The following FBXO10 variants were observed in gnomAD, a reference collection of about 807,000 sequenced individuals.
FBXO10 encodes F-box only protein 10.
In FBXO10, 39 loss-of-function variants were observed where a neutral mutation model predicts 80.7. The ratio of observed to expected loss-of-function variants is 0.48; its 90% CI spans 0.37 to 0.63. The LOEUF (loss-of-function observed/expected upper bound fraction) is 0.63. FBXO10 is among the 30% of genes least tolerant of loss of function. The probability of loss-of-function intolerance (pLI) is 0.00; values close to 1 mark genes in which losing one functional copy is unlikely to be tolerated. For missense variants in FBXO10, 1,025 were observed against 1,269.0 expected (o/e 0.81, Z 2.92); for synonymous variants, 449 against 489.6 (o/e 0.92, Z 1.09).
Position 37,541,775 on chromosome 9 carries a change from C to G in FBXO10, c.-6-1G>C. 1 of 1,573,346 alleles carries G rather than the reference C, an allele frequency of 6.4e-7. No individual in the cohort carries two copies. The highest frequency in any genetic ancestry group is 8.6e-7 in the Non-Finnish European group (1 of 1,159,040). On this transcript the variant is annotated splice_acceptor_variant, in intron 1 of 10. Coordinates refer to ENST00000432825, the MANE Select transcript of FBXO10 (RefSeq NM_012166.3). LOFTEE classifies it low-confidence loss of function (5UTR_SPLICE). ...GGAGGCCACCAGCCTCCATGGTCACCTAGGAGACAGACACAAAACAAAAGA... is the reference window on the plus strand; with the variant it reads ...GGAGGCCACCAGCCTCCATGGTCACGTAGGAGACAGACACAAAACAAAAGA...
At chr9:37,513,715 G>T (rs867324160) in intron 10 of FBXO10, among the ~76,000 whole-genome samples, 4 of 151,974 alleles carry the variant, frequency 2.6e-5, no homozygotes, top group Admixed American at 2.6e-4. Flanking sequence ...TCAGCCTCCC[G>T]AGTAGCTGGG....
intron 8 of FBXO10, among the ~76,000 whole-genome samples, chr9:37,521,228 G>A (rs996632813): frequency 1.8e-4 from 28 of 152,178 alleles, no homozygotes; most frequent in Admixed American, 7.2e-4. Flanking sequence ...CGGCCGCACC[G>A]TCTCAAAAAT....
At position 37,547,479 on chromosome 9, in the gene FBXO10, C is replaced by T. The variant is rs142157059; in HGVS notation, c.-6-5705G>A. On this transcript the variant is annotated intron_variant, in intron 1 of 10. Coordinates refer to ENST00000432825, the MANE Select transcript of FBXO10 (RefSeq NM_012166.3). ...ACAAAAAATTAGCTGAGTGTGGTGA[C>T]GCACAACTGTAGTCCCAGCTACTAG... Among the ~76,000 whole-genome samples the T allele has an allele frequency of 7.6e-3, 1,159 of 152,152 alleles. 4 individuals carry two copies. Among genetic ancestry groups the T allele is most frequent in the Non-Finnish European group, 0.013 (879 of 68,006 alleles).
intron 1 of FBXO10, among the ~76,000 whole-genome samples, chr9:37,571,277 T>C (rs1430665777): frequency 6.6e-6 from 1 of 152,188 alleles, no homozygotes; most frequent in African/African-American, 2.4e-5. Flanking sequence ...CTGGACCAAC[T>C]GCAGCAGCAA....
At chr9:37,523,011 C>T (rs1214922440) in intron 6 of FBXO10, 34 bp from the exon 7 acceptor site, 2 of 1,571,724 alleles carry the variant, frequency 1.3e-6, no homozygotes, top group Admixed American at 3.7e-5. Context: ...GGTCAGTACC[C>T]AAGGGCCAGC....
rs747424055 is a variant in FBXO10 at position 37,518,094 on chromosome 9, C to T, written c.2514+31G>A. On this transcript the variant is annotated intron_variant, in intron 9 of 10. Coordinates refer to ENST00000432825, the MANE Select transcript of FBXO10 (RefSeq NM_012166.3). ...CCCAGGGTTGTGCCCTGTGTGGGCACCACACGTCACACACATGCAGACATA... is the reference window on the plus strand; with the variant it reads ...CCCAGGGTTGTGCCCTGTGTGGGCATCACACGTCACACACATGCAGACATA... 3.8e-6 allele frequency: 6 copies of T among 1,583,438 alleles called. No homozygotes were observed. The South Asian group carries it at 7.1e-5, about 19-fold the overall frequency.
At chr9:37,531,473 A>C (rs1821621889) in intron 4 of FBXO10, among the ~76,000 whole-genome samples, 1 of 152,202 alleles carries the variant, frequency 6.6e-6, no homozygotes, top group East Asian at 1.9e-4. Context: ...CCCTCACAAT[A>C]ACCACGAAAC....
intron 9 of FBXO10, among the ~76,000 whole-genome samples, chr9:37,516,799 T>A (rs978283047): frequency 2.0e-5 from 3 of 151,746 alleles, no homozygotes; most frequent in Non-Finnish European, 2.9e-5. Flanking sequence ...GTATCTCTAC[T>A]AAAAATACAA....
intron 1 of FBXO10, among the ~76,000 whole-genome samples, chr9:37,571,053 T>C (rs1344224139): frequency 2.0e-5 from 3 of 151,202 alleles, no homozygotes; most frequent in Non-Finnish European, 4.4e-5. Flanking sequence ...GATAAACTCC[T>C]AGGAAAATAT....
chr9:37,554,237 C>T (rs182840766), intron 1 of FBXO10, among the ~76,000 whole-genome samples: 22 of 152,348 alleles, frequency 1.4e-4, no homozygotes, highest in Admixed American at 7.8e-4. Flanking sequence ...CTCCTCTCTC[C>T]TGTCCCTAAC....
chr9:37,539,215 T>A (rs1821856506), intron 2 of FBXO10, among the ~76,000 whole-genome samples: 2 of 152,242 alleles, frequency 1.3e-5, no homozygotes, highest in South Asian at 4.1e-4. Context: ...TTCTAATTTC[T>A]TCCTTATGGC....
intron 5 of FBXO10, 68 bp from the exon 6 acceptor site, chr9:37,525,240 G>T (rs1821439916): frequency 7.1e-7 from 1 of 1,418,034 alleles, no homozygotes. Context: ...CCAGGAGACT[G>T]CCTTCTTTCA....
chr9:37,523,212 C>A (rs926492108), intron 6 of FBXO10, among the ~76,000 whole-genome samples: 4 of 606 alleles, frequency 6.6e-3, no homozygotes, highest in Non-Finnish European at 0.065. Context: ...ATCTCCCCGG[C>A]ACCTACTATA....
chr9:37,546,633 A>C (rs953805097), intron 1 of FBXO10, among the ~76,000 whole-genome samples: 18 of 152,204 alleles, frequency 1.2e-4, no homozygotes, highest in African/African-American at 4.3e-4. Flanking sequence ...AGGGGAGAAG[A>C]CATAGTGAAA....
At chr9:37,536,074 A>G (rs577455985) in intron 3 of FBXO10, 1 of 152,306 alleles carries the variant, frequency 6.6e-6, no homozygotes, top group African/African-American at 2.4e-5. Context: ...ATCACCTGAA[A>G]TCCTCTTTGG....
intron 1 of FBXO10, among the ~76,000 whole-genome samples, chr9:37,556,512 T>G (rs1266656240): frequency 6.6e-6 from 1 of 151,168 alleles, no homozygotes; most frequent in Non-Finnish European, 1.5e-5. Context: ...GATAAATCAG[T>G]TGAGGATATT....
At chr9:37,542,150 C>T (rs539275509) in intron 1 of FBXO10, among the ~76,000 whole-genome samples, 7 of 151,142 alleles carry the variant, frequency 4.6e-5, no homozygotes, top group Middle Eastern at 3.4e-3. Flanking sequence ...TCTTAAAATA[C>T]CCCCTGCCAT....
At chr9:37,558,905 G>A (rs571587652) in intron 1 of FBXO10, among the ~76,000 whole-genome samples, 8 of 151,874 alleles carry the variant, frequency 5.3e-5, no homozygotes, top group Admixed American at 5.2e-4. Flanking sequence ...CCACCTCCCA[G>A]GTTTAACTGA....
intron 1 of FBXO10, among the ~76,000 whole-genome samples, chr9:37,567,474 C>A (rs1822638961): frequency 6.6e-6 from 1 of 151,856 alleles, no homozygotes; most frequent in Non-Finnish European, 1.5e-5. Flanking sequence ...GCACTTATAA[C>A]AACCAAAACG....
Sources: gnomAD v4.1 joint callset for allele counts (sites outside exome capture counted in the v4.1 genomes callset) on GRCh38, gnomAD v4.1.1 for gene constraint, MANE v1.5 for transcripts, NCBI Gene and HGNC (gene_info 2026-07-23, HGNC 2026-07-21) for gene names.